Variants in EDIL3 observed in about 807,000 individuals in gnomAD.
EDIL3 encodes EGF like and discoidin domains 3.
EDIL3 carries 37 observed loss-of-function variants against 67.4 expected under a neutral mutation model. The ratio of observed to expected loss-of-function variants is 0.55; its 90% confidence interval spans 0.42 to 0.72. EDIL3 has a LOEUF of 0.72. Ranked by LOEUF, EDIL3 falls within the 30% of genes least tolerant of loss-of-function variation. The probability of loss-of-function intolerance (pLI) is 0.00; values close to 1 mark genes in which losing one functional copy is unlikely to be tolerated. For synonymous variants in EDIL3, 195 were observed against 196.3 expected, an observed-to-expected ratio of 0.99 and a Z score of 0.05; for missense variants, 527 against 586.3, an observed-to-expected ratio of 0.90 and a Z score of 1.04.
At chr5:84,062,921 T>C (rs922984222) in intron 8 of EDIL3, among the ~76,000 whole-genome samples, 4 of 152,104 alleles carry the variant, frequency 2.6e-5, no homozygotes, top group Non-Finnish European at 5.9e-5. Flanking sequence ...TTGAACAAAA[T>C]GAAGTATTAA....
intron 1 of EDIL3, among the ~76,000 whole-genome samples, chr5:84,303,891 T>A (rs1746214991): frequency 6.6e-6 from 1 of 151,430 alleles, no homozygotes; most frequent in Non-Finnish European, 1.5e-5. Context: ...CACATGTGTC[T>A]ATGAATAAGT....
intron 6 of EDIL3, among the ~76,000 whole-genome samples, chr5:84,066,882 G>A (rs532255978): frequency 8.5e-5 from 13 of 152,248 alleles, no homozygotes; most frequent in South Asian, 4.1e-4. Context: ...AAGCATCTGC[G>A]TTCTCACGAT....
At chr5:84,288,512 A>T (rs531722834) in intron 1 of EDIL3, among the ~76,000 whole-genome samples, 1 of 152,228 alleles carries the variant, frequency 6.6e-6, no homozygotes, top group African/African-American at 2.4e-5. Context: ...TGACCAACTG[A>T]AATTCATGCT....
chr5:84,102,287 A>G (rs1401563603), intron 6 of EDIL3, among the ~76,000 whole-genome samples: 1 of 152,086 alleles, frequency 6.6e-6, no homozygotes, highest in Non-Finnish European at 1.5e-5. Context: ...CATCACTCCT[A>G]TTCAACATAG....
At chr5:83,947,369 C>CTGTGTGTGTGTG (rs34059015) in intron 10 of EDIL3, among the ~76,000 whole-genome samples, 49 of 129,540 alleles carry the variant, frequency 3.8e-4, no homozygotes, top group African/African-American at 1.4e-3. Context: ...GTGTCTGTGT[C>CTGTGTGTGTGTG]TGTGTGTGTG....
At chr5:84,301,423 T>C (rs1488858718) in intron 1 of EDIL3, among the ~76,000 whole-genome samples, 1 of 152,312 alleles carries the variant, frequency 6.6e-6, no homozygotes, top group East Asian at 1.9e-4. Context: ...TTTAGACTTG[T>C]CAATCTCAAA....
intron 1 of EDIL3, among the ~76,000 whole-genome samples, chr5:84,371,381 GTA>G (rs1029495328): frequency 1.2e-4 from 17 of 143,976 alleles, no homozygotes; most frequent in Admixed American, 4.2e-4. Flanking sequence ...ATGTATGTGT[GTA>G]TATATATGTG....
At chr5:84,194,732 T>A (rs918711442) in intron 3 of EDIL3, among the ~76,000 whole-genome samples, 1 of 151,942 alleles carries the variant, frequency 6.6e-6, no homozygotes, top group African/African-American at 2.4e-5. Context: ...AATTTGTAAA[T>A]TCTATGTTAC....
chr5:84,053,531 G>GAA (rs1202218082), intron 9 of EDIL3, among the ~76,000 whole-genome samples: 1 of 152,032 alleles, frequency 6.6e-6, no homozygotes, highest in African/African-American at 2.4e-5. Context: ...CTGGTTTTTT[G>GAA]AAAAGATCAA....
intron 2 of EDIL3, among the ~76,000 whole-genome samples, chr5:84,237,846 C>A (rs766103711): frequency 6.6e-6 from 1 of 151,990 alleles, no homozygotes; most frequent in Non-Finnish European, 1.5e-5. Flanking sequence ...GAATGTTACT[C>A]TCTTGCTTTA....
At chr5:83,989,311 C>G (rs900772735) in intron 9 of EDIL3, among the ~76,000 whole-genome samples, 2 of 152,110 alleles carry the variant, frequency 1.3e-5, no homozygotes, top group African/African-American at 2.4e-5. Context: ...CTTATTGTCC[C>G]CTGCCCCCAC....
At chr5:84,169,745 C>T (rs1300509422) in intron 4 of EDIL3, among the ~76,000 whole-genome samples, 1 of 151,566 alleles carries the variant, frequency 6.6e-6, no homozygotes, top group Non-Finnish European at 1.5e-5. Flanking sequence ...TGCTGAGTAG[C>T]AATTCCATGG....
At chr5:84,368,344 C>T (rs906097279) in intron 1 of EDIL3, among the ~76,000 whole-genome samples, 2 of 152,066 alleles carry the variant, frequency 1.3e-5, no homozygotes. Flanking sequence ...TTTTGACAAG[C>T]GTGCCAAAGC....
At chr5:84,306,102 G>A (rs1746271169) in intron 1 of EDIL3, among the ~76,000 whole-genome samples, 1 of 151,996 alleles carries the variant, frequency 6.6e-6, no homozygotes, top group South Asian at 2.1e-4. Context: ...TTATGTAAAA[G>A]CATCAACGCA....
chr5:84,286,361 CAGA>C (rs1255536283), intron 1 of EDIL3, among the ~76,000 whole-genome samples: 1 of 151,944 alleles, frequency 6.6e-6, no homozygotes, highest in Non-Finnish European at 1.5e-5. Context: ...CGTGAAAGAG[CAGA>C]AGATTTATTA....
chr5:84,138,940 G>A (rs1342391633), intron 4 of EDIL3, among the ~76,000 whole-genome samples: 1 of 152,160 alleles, frequency 6.6e-6, no homozygotes, highest in East Asian at 1.9e-4. Flanking sequence ...TCTGTGTGCT[G>A]TAAAGTATGA....
At chr5:84,161,435 A>G (rs1190272233) in intron 4 of EDIL3, among the ~76,000 whole-genome samples, 1 of 152,046 alleles carries the variant, frequency 6.6e-6, no homozygotes, top group East Asian at 1.9e-4. Context: ...CCAACCAAAG[A>G]ATGAGCACTG....
chr5:84,070,774 T>C (rs1200054034), intron 6 of EDIL3, among the ~76,000 whole-genome samples: 7 of 152,044 alleles, frequency 4.6e-5, no homozygotes, highest in Non-Finnish European at 1.5e-5. Context: ...GAACAGAACA[T>C]TGCTGAGCAG....
intron 9 of EDIL3, among the ~76,000 whole-genome samples, chr5:84,024,236 G>A (rs1355792031): frequency 6.6e-6 from 1 of 152,068 alleles, no homozygotes; most frequent in Non-Finnish European, 1.5e-5. Context: ...AATATTCTTT[G>A]TTCATTAAAT....
Sources: allele counts gnomAD v4.1 joint callset (sites outside exome capture counted in the v4.1 genomes callset), GRCh38; gene constraint gnomAD v4.1.1; transcripts MANE v1.5; gene names NCBI Gene and HGNC (gene_info 2026-07-23, HGNC 2026-07-21).